The following DLG2 variants were observed in gnomAD, a reference collection of about 807,000 sequenced individuals.
The protein encoded by DLG2 is discs large MAGUK scaffold protein 2, also known as disks large homolog 2.
Under a neutral mutation model 132.5 loss-of-function variants are expected in DLG2, and 45 were observed. The ratio of observed to expected loss-of-function variants is 0.34; its 90% CI spans 0.27 to 0.44. The LOEUF (loss-of-function observed/expected upper bound fraction) is 0.44. Among genes scored for constraint, DLG2 ranks in the 20% least tolerant of loss-of-function variants. The pLI is 1.00. For synonymous variants in DLG2, 424 were observed against 419.6 expected (o/e 1.01, Z -0.13); for missense variants, 1,045 against 1,196.9 (o/e 0.87, Z 1.87).
intron 9 of DLG2, among the ~76,000 whole-genome samples, chr11:84,108,698 TA>T (rs2093140877): frequency 6.6e-6 from 1 of 152,044 alleles, no homozygotes; most frequent in African/African-American, 2.4e-5. Context: ...ATAAAAGGCT[TA>T]AAACAGGGGA....
intron 6 of DLG2, among the ~76,000 whole-genome samples, chr11:85,028,795 T>C (rs1257328484): frequency 6.6e-6 from 1 of 152,068 alleles, no homozygotes; most frequent in East Asian, 1.9e-4. Flanking sequence ...AGGTCACTGC[T>C]GGGTGGCTGC....
At chr11:85,427,010 T>C (rs1322337196) in intron 3 of DLG2, among the ~76,000 whole-genome samples, 1 of 152,152 alleles carries the variant, frequency 6.6e-6, no homozygotes, top group Admixed American at 6.5e-5. Flanking sequence ...TTCGATCAAC[T>C]GTAAGAAAGC....
intron 4 of DLG2, among the ~76,000 whole-genome samples, chr11:85,171,216 G>A (rs1038987615): frequency 6.6e-6 from 1 of 152,146 alleles, no homozygotes; most frequent in African/African-American, 2.4e-5. Flanking sequence ...AGGTATCCAG[G>A]TTATTGCATT....
intron 6 of DLG2, among the ~76,000 whole-genome samples, chr11:84,789,906 T>G (rs1385894102): frequency 1.3e-5 from 2 of 152,208 alleles, no homozygotes; most frequent in African/African-American, 2.4e-5. Context: ...TTATTTGAAG[T>G]GTCAGGATCT....
At chr11:84,281,121 A>C (rs2154370390) in intron 7 of DLG2, among the ~76,000 whole-genome samples, 1 of 152,182 alleles carries the variant, frequency 6.6e-6, no homozygotes, top group Non-Finnish European at 1.5e-5. Context: ...CATATGCAAA[A>C]CAACAAACTT....
intron 7 of DLG2, chr11:84,437,253 G>T (rs2154475752): frequency 6.6e-6 from 1 of 152,200 alleles, no homozygotes; most frequent in African/African-American, 2.4e-5. Flanking sequence ...TTTCATAGTG[G>T]CAAGGACCAC....
intron 9 of DLG2, among the ~76,000 whole-genome samples, chr11:84,129,168 G>C (rs1280499267): frequency 1.3e-5 from 2 of 152,004 alleles, no homozygotes; most frequent in African/African-American, 4.8e-5. Context: ...ACGTCCTTCA[G>C]GCCCAAAAGA....
chr11:85,150,691 G>A (rs183821536), intron 5 of DLG2, among the ~76,000 whole-genome samples: 2,902 of 144,560 alleles, frequency 0.02, 55 homozygotes, highest in Admixed American at 0.039. Flanking sequence ...TTGTTCCTAA[G>A]GCTACATAGT....
At chr11:84,434,424 G>A (rs994777876) in intron 7 of DLG2, among the ~76,000 whole-genome samples, 5 of 152,074 alleles carry the variant, frequency 3.3e-5, no homozygotes, top group Non-Finnish European at 7.4e-5. Flanking sequence ...GGAAGAAGGC[G>A]CTAGAGACAC....
intron 7 of DLG2, among the ~76,000 whole-genome samples, chr11:84,385,027 T>C (rs568340837): frequency 5.9e-4 from 89 of 152,098 alleles, no homozygotes; most frequent in Non-Finnish European, 9.9e-4. Context: ...TATAAAATCA[T>C]GTGTATTTAA....
intron 11 of DLG2, among the ~76,000 whole-genome samples, chr11:84,019,347 G>A (rs2095319982): frequency 6.6e-6 from 1 of 152,082 alleles, no homozygotes. Context: ...ATAAGTCCAA[G>A]TTTATATTGA....
At chr11:84,630,790 G>C (rs1446523879) in intron 6 of DLG2, among the ~76,000 whole-genome samples, 2 of 152,058 alleles carry the variant, frequency 1.3e-5, no homozygotes, top group African/African-American at 4.8e-5. Context: ...GAAACAGGGA[G>C]TGAAGAAAGC....
intron 11 of DLG2, among the ~76,000 whole-genome samples, chr11:84,029,767 C>G (rs757461113): frequency 2.0e-5 from 3 of 152,100 alleles, no homozygotes; most frequent in Non-Finnish European, 2.9e-5. Context: ...TCTGACCATG[C>G]TCTTTTCTAC....
intron 4 of DLG2, among the ~76,000 whole-genome samples, chr11:85,260,228 G>C (rs2076872325): frequency 6.6e-6 from 1 of 152,180 alleles, no homozygotes; most frequent in Non-Finnish European, 1.5e-5. Context: ...GCCTGGCACA[G>C]TATAAGTACT....
At chr11:84,498,799 T>C (rs568242340) in intron 7 of DLG2, among the ~76,000 whole-genome samples, 1 of 152,324 alleles carries the variant, frequency 6.6e-6, no homozygotes, top group Non-Finnish European at 1.5e-5. Context: ...TTATTTTCTT[T>C]ACAATATCAA....
At chr11:84,376,722 A>T (rs981565251) in intron 7 of DLG2, among the ~76,000 whole-genome samples, 1 of 151,834 alleles carries the variant, frequency 6.6e-6, no homozygotes, top group Admixed American at 6.6e-5. Context: ...TAAAAAAAAA[A>T]CAACTCATTT....
chr11:85,368,493 A>G (rs1384190589), intron 3 of DLG2, among the ~76,000 whole-genome samples: 1 of 152,144 alleles, frequency 6.6e-6, no homozygotes, highest in Non-Finnish European at 1.5e-5. Context: ...CACCACCTCC[A>G]CTGTTCTCCT....
At chr11:83,680,506 T>G (rs983161079) in intron 18 of DLG2, among the ~76,000 whole-genome samples, 1 of 152,156 alleles carries the variant, frequency 6.6e-6, no homozygotes, top group African/African-American at 2.4e-5. Flanking sequence ...TTAATCATTA[T>G]TGCTCTATCC....
At chr11:84,310,527 A>G (rs1421185411) in intron 7 of DLG2, among the ~76,000 whole-genome samples, 1 of 152,162 alleles carries the variant, frequency 6.6e-6, no homozygotes, top group African/African-American at 2.4e-5. Flanking sequence ...TATCCCAGAG[A>G]GAATGCTCTG....
Sources: gnomAD v4.1 joint callset for allele counts (sites outside exome capture counted in the v4.1 genomes callset) on GRCh38, gnomAD v4.1.1 for gene constraint, MANE v1.5 for transcripts, NCBI Gene and HGNC (gene_info 2026-07-23, HGNC 2026-07-21) for gene names.